AMBRA1: variants seen among roughly 807,000 people sequenced by gnomAD.
AMBRA1 encodes autophagy and beclin 1 regulator 1, also known as activating molecule in BECN1-regulated autophagy protein 1.
AMBRA1 carries 47 observed loss-of-function variants against 125.4 expected under a neutral mutation model. The ratio of observed to expected loss-of-function variants is 0.37; its 90% CI spans 0.30 to 0.48. The LOEUF (loss-of-function observed/expected upper bound fraction) is 0.48, where lower values mean the gene tolerates loss of function less well. AMBRA1 is among the 20% of genes least tolerant of loss of function. The pLI is 0.99. For missense variants in AMBRA1, 1,331 were observed against 1,693.4 expected, an observed-to-expected ratio of 0.79 and a Z score of 3.76; for synonymous variants, 626 against 655.5, an observed-to-expected ratio of 0.95 and a Z score of 0.69.
chr11:46,547,772 A>G (rs1371549893), intron 3 of AMBRA1, 45 bp downstream of exon 3: 1 of 1,564,748 alleles, frequency 6.4e-7, no homozygotes, highest in Non-Finnish European at 8.7e-7. Context: ...ATATACAGAA[A>G]GCACTGTTAT....
At chr11:46,591,086 C>T (rs573364764) in intron 1 of AMBRA1, 20 of 152,270 alleles carry the variant, frequency 1.3e-4, no homozygotes, top group Admixed American at 6.5e-4. Flanking sequence ...CCTGCAGAAA[C>T]ATAATAAAAT....
chr11:46,548,221 T>A (rs1565283110), intron 2 of AMBRA1, 25 bp downstream of exon 2: 2 of 1,613,968 alleles, frequency 1.2e-6, no homozygotes, highest in Non-Finnish European at 1.7e-6. Flanking sequence ...ACAAATCCTA[T>A]GTGAAATATA....
At chr11:46,536,833 C>T (rs1343393346) in intron 7 of AMBRA1, among the ~76,000 whole-genome samples, 1 of 152,206 alleles carries the variant, frequency 6.6e-6, no homozygotes, top group Non-Finnish European at 1.5e-5. Flanking sequence ...TAACTCTAAC[C>T]TTGATGGCCA....
At chr11:46,577,593 G>A (rs1402087297) in intron 1 of AMBRA1, among the ~76,000 whole-genome samples, 1 of 151,912 alleles carries the variant, frequency 6.6e-6, no homozygotes, top group Non-Finnish European at 1.5e-5. Context: ...ATTTTAAGAT[G>A]GCTAAATTTA....
At chr11:46,431,112 A>G (rs1396395172) in intron 14 of AMBRA1, among the ~76,000 whole-genome samples, 2 of 152,232 alleles carry the variant, frequency 1.3e-5, no homozygotes, top group African/African-American at 4.8e-5. Context: ...ACCTTTCTGT[A>G]GCATGGGGGT....
At position 46,445,244 on chromosome 11, in the gene AMBRA1, G is replaced by A. The variant is rs566322172; in HGVS notation, c.2522-1646C>T. On this transcript the variant is annotated intron_variant, in intron 11 of 17. Transcript: ENST00000683756. ...TCAGGAGGACAATAATGGAATAAAG[G>A]CTAAAACAAACCGTTCTAGATAAAT... is the stretch of plus-strand genomic sequence containing the variant. Among the ~76,000 whole-genome samples the A allele has an allele frequency of 8.5e-5, 13 of 152,148 alleles. No individual in the cohort carries two copies. The South Asian group carries it at 2.1e-3, about 24-fold the overall frequency.
rs1031151234 is a variant in AMBRA1 at position 46,403,703 on chromosome 11, G to A, written c.3403+4810C>T. Reference sequence around the variant, plus strand: ...AAGTTGAACATGCAAAAAAGCTGACGCGTGCAAATACCCCTGTGGAGGGCT... The same window carrying A: ...AAGTTGAACATGCAAAAAAGCTGACACGTGCAAATACCCCTGTGGAGGGCT... On this transcript the variant is annotated intron_variant, in intron 17 of 17. Coordinates refer to ENST00000683756, the MANE Select transcript of AMBRA1 (RefSeq NM_001387011.1). Among the ~76,000 whole-genome samples the A allele has an allele frequency of 3.3e-5, 5 of 152,140 alleles. No homozygotes were observed. The East Asian group carries it at 5.8e-4, about 18-fold the overall frequency.
intron 11 of AMBRA1, among the ~76,000 whole-genome samples, chr11:46,491,655 T>C (rs906588389): frequency 6.6e-6 from 1 of 152,204 alleles, no homozygotes; most frequent in Non-Finnish European, 1.5e-5. Flanking sequence ...GAAAACCATC[T>C]GCTAATCTAA....
At chr11:46,399,235 A>C (rs1231696547) in intron 17 of AMBRA1, among the ~76,000 whole-genome samples, 2 of 148,020 alleles carry the variant, frequency 1.4e-5, no homozygotes, top group African/African-American at 5.1e-5. Context: ...CACCACACCC[A>C]GCTAATTTTT....
chr11:46,589,554 T>A (rs1242765068), intron 1 of AMBRA1, among the ~76,000 whole-genome samples: 1 of 152,150 alleles, frequency 6.6e-6, no homozygotes, highest in African/African-American at 2.4e-5. Flanking sequence ...CACCTCTCTG[T>A]GCTAACAACA....
chr11:46,486,711 G>A (rs1417962194), intron 11 of AMBRA1, among the ~76,000 whole-genome samples: 4 of 152,062 alleles, frequency 2.6e-5, no homozygotes, highest in Non-Finnish European at 5.9e-5. Context: ...TTCGAGATCA[G>A]CCTGGCCAAC....
chr11:46,458,277 C>T (rs955069810), intron 11 of AMBRA1, among the ~76,000 whole-genome samples: 5 of 152,184 alleles, frequency 3.3e-5, no homozygotes, highest in East Asian at 1.9e-4. Context: ...GCTAAAAGGA[C>T]GCACCTGGAA....
At chr11:46,421,120 C>T (rs1038115491) in intron 14 of AMBRA1, among the ~76,000 whole-genome samples, 3 of 151,204 alleles carry the variant, frequency 2.0e-5, no homozygotes, top group African/African-American at 7.4e-5. Flanking sequence ...ACAAAACCCT[C>T]AAGACGCCAA....
In AMBRA1 at chr11:46,562,285, G is replaced by A. The variant is rs552727606; in HGVS notation, c.-120-13785C>T. On this transcript the variant is annotated intron_variant, in intron 1 of 17. Transcript: ENST00000683756. Reference sequence around the variant, plus strand: ...AAGGTCCCTAACAGGTAAGCTTAGCGCATGTGAAGGCCGGAAATAAGGCCA... The same window carrying A: ...AAGGTCCCTAACAGGTAAGCTTAGCACATGTGAAGGCCGGAAATAAGGCCA... Among the ~76,000 whole-genome samples the A allele has an allele frequency of 6.6e-5, 10 of 152,272 alleles. No homozygotes were observed. In the East Asian group the frequency reaches 1.3e-3, roughly 21 times the overall value.
At chr11:46,573,629 G>C (rs1403188181) in intron 1 of AMBRA1, among the ~76,000 whole-genome samples, 1 of 150,912 alleles carries the variant, frequency 6.6e-6, no homozygotes, top group Non-Finnish European at 1.5e-5. Flanking sequence ...TGGTCTTCCA[G>C]GGTTTCTCTT....
chr11:46,456,198 C>T (rs1012375558), intron 11 of AMBRA1, among the ~76,000 whole-genome samples: 1 of 152,082 alleles, frequency 6.6e-6, no homozygotes, highest in Non-Finnish European at 1.5e-5. Context: ...TTCCAAAAAA[C>T]GTAGTGTTAA....
intron 11 of AMBRA1, among the ~76,000 whole-genome samples, chr11:46,445,056 C>CA (rs538659286): frequency 5.6e-5 from 4 of 71,944 alleles, no homozygotes; most frequent in South Asian, 4.2e-4. Context: ...TTCAAAGGGG[C>CA]AAAAAAAAGA....
chr11:46,479,862 ACTTAGTGG>A (rs1949987342), intron 11 of AMBRA1, among the ~76,000 whole-genome samples: 1 of 152,138 alleles, frequency 6.6e-6, no homozygotes, highest in African/African-American at 2.4e-5. Flanking sequence ...ACAAGCAGAA[ACTTAGTGG>A]CTTAAACAAG....
At chr11:46,547,012 A>G in intron 4 of AMBRA1, 101 bp downstream of exon 4, 1 of 1,122,088 alleles carries the variant, frequency 8.9e-7, no homozygotes. Flanking sequence ...CGGAGGTTGC[A>G]GCGAGCCAAG....
Sources: gnomAD v4.1 joint callset for allele counts (sites outside exome capture counted in the v4.1 genomes callset) on GRCh38, gnomAD v4.1.1 for gene constraint, MANE v1.5 for transcripts, NCBI Gene and HGNC (gene_info 2026-07-23, HGNC 2026-07-21) for gene names.